Variants in MORC4 observed in about 807,000 individuals in gnomAD.
MORC4 encodes the protein MORC family CW-type zinc finger protein 4.
MORC4 carries 22 observed loss-of-function variants against 65.5 expected under a neutral mutation model. The observed-to-expected ratio is 0.34, with a 90% CI of 0.24 to 0.48. The LOEUF (loss-of-function observed/expected upper bound fraction) is 0.48, where lower values mean the gene tolerates loss of function less well. MORC4 is among the 20% of genes least tolerant of loss of function. The pLI is 0.99. For missense variants in MORC4, 624 were observed against 703.0 expected, an observed-to-expected ratio of 0.89 and a Z score of 1.27; for synonymous variants, 267 against 255.8, an observed-to-expected ratio of 1.04 and a Z score of -0.42.
chrX:106,941,475 G>A lies in MORC4; in HGVS notation c.*4C>T. 8.3e-7 allele frequency: 1 copy of A among 1,198,294 alleles called. No individual in the cohort carries two copies. Among genetic ancestry groups the A allele is most frequent in the Non-Finnish European group, 1.1e-6 (1 of 886,544 alleles). On this transcript the variant is annotated 3_prime_UTR_variant, in exon 17 of 17. Transcript: ENST00000355610. The stretch of plus-strand genomic sequence containing the variant: ...AGAGAAGAGAAGGGTATACAGTCTG[G>A]TGCTCAATCCAGTATGTGATTTGCC...
intron 9 of MORC4, among the ~76,000 whole-genome samples, chrX:106,967,528 G>A (rs1420185174): frequency 8.9e-6 from 1 of 111,844 alleles, no homozygotes; most frequent in Non-Finnish European, 1.9e-5. Context: ...CTGAGCTAAA[G>A]GAAATGTTCT....
chrX:106,973,452 T>C (rs537344495), intron 9 of MORC4, among the ~76,000 whole-genome samples: 2 of 111,538 alleles, frequency 1.8e-5, no homozygotes, highest in African/African-American at 6.5e-5. Context: ...ATTGATGCTG[T>C]AATGGGTAGG....
chrX:106,946,142 T>C (rs1240417251), intron 14 of MORC4, among the ~76,000 whole-genome samples: 1 of 111,482 alleles, frequency 9.0e-6, no homozygotes, highest in African/African-American at 3.3e-5. Context: ...ACTTAAGGTA[T>C]ACAATTCAAC....
Position 106,985,012 on chromosome X carries a change from A to C in MORC4, c.674+84T>G. On this transcript the variant is annotated intron_variant, in intron 5 of 16. Transcript: ENST00000355610. ...AATGAGACCCTGTCTTTTTATAAAAATTTTAAAAGTTAAAATTAAATAAAA... is the reference window on the plus strand; with the variant it reads ...AATGAGACCCTGTCTTTTTATAAAACTTTTAAAAGTTAAAATTAAATAAAA... 10 of 907,052 alleles carry C rather than the reference A, an allele frequency of 1.1e-5. No individual in the cohort carries two copies. The South Asian group carries it at 3.5e-4, about 32-fold the overall frequency. The allele number at this position is 907,052 out of a possible 1,213,427, so 74.8% of individuals were successfully genotyped here. A position where few individuals can be genotyped will look rare whatever the true frequency, so the allele number is the denominator to read the frequency against.
At chrX:106,963,890 AAC>A (rs1934312521) in intron 9 of MORC4, among the ~76,000 whole-genome samples, 1 of 102,890 alleles carries the variant, frequency 9.7e-6, no homozygotes, top group African/African-American at 3.6e-5. Context: ...CAACAACAAC[AAC>A]AAAAAAAAAC....
intron 11 of MORC4, among the ~76,000 whole-genome samples, chrX:106,957,890 A>G (rs186985827): frequency 1.9e-4 from 21 of 112,319 alleles, no homozygotes; most frequent in African/African-American, 6.8e-4. Context: ...AAAGATACAT[A>G]TGTGAAAAAC....
chrX:106,979,357 A>AAACC (rs1934694554), intron 7 of MORC4, among the ~76,000 whole-genome samples: 1 of 111,363 alleles, frequency 9.0e-6, no homozygotes, highest in Non-Finnish European at 1.9e-5. Flanking sequence ...GCAAGCAAAC[A>AAACC]AACCAAAATC....
chrX:106,971,224 G>A (rs137979296), intron 9 of MORC4, among the ~76,000 whole-genome samples: 314 of 111,653 alleles, frequency 2.8e-3, no homozygotes, highest in African/African-American at 9.8e-3. Flanking sequence ...GAAAAGATTC[G>A]ATATTTAATA....
chrX:106,942,746 T>G lies in MORC4; in HGVS notation c.2145A>C (p.Arg715Ser). Residue 715 changes from arginine to serine, a missense_variant, in exon 15 of 17, where the codon AGA (arginine) becomes AGC (serine). Physicochemically the swap from Arg to Ser is moderately radical, Grantham distance 110. Coordinates refer to ENST00000355610, the MANE Select transcript of MORC4 (RefSeq NM_024657.5). Reference protein sequence around the residue: ...GAPIQLIPFNREELAERRKAV... With the variant: ...GAPIQLIPFNSEELAERRKAV... The stretch of plus-strand genomic sequence containing the variant: ...CTTTTCGTCTCTCAGCAAGCTCCTC[T>G]CTGTTAAAAGGGATCAGCTGAATGG... 1 of 1,211,441 alleles carries G rather than the reference T, an allele frequency of 8.3e-7. No homozygotes were observed. Among genetic ancestry groups the G allele is most frequent in the Non-Finnish European group, 1.1e-6 (1 of 895,361 alleles).
chrX:106,967,599 A>C (rs1280025531), intron 9 of MORC4, among the ~76,000 whole-genome samples: 1 of 112,379 alleles, frequency 8.9e-6, no homozygotes, highest in Non-Finnish European at 1.9e-5. Flanking sequence ...TAATTAGAAC[A>C]ACCAGTGTAG....
At chrX:106,979,156 C>G (rs1266972068) in intron 7 of MORC4, among the ~76,000 whole-genome samples, 3 of 111,039 alleles carry the variant, frequency 2.7e-5, no homozygotes, top group Non-Finnish European at 3.8e-5. Flanking sequence ...CATGCCCCCT[C>G]TAAAAGACAA....
chrX:106,941,666 T>A lies in MORC4; in HGVS notation c.2661-34A>T, dbSNP rs370774208. On this transcript the variant is annotated intron_variant, in intron 16 of 16. Coordinates refer to ENST00000355610, the MANE Select transcript of MORC4 (RefSeq NM_024657.5). The stretch of plus-strand genomic sequence containing the variant: ...AGGAGTGAGGGGGCAGGAGAAGAGA[T>A]GACATGAAGTCATTAACCAACAGAA... The A allele has an allele frequency of 6.5e-5, 77 of 1,178,050 alleles. 1 individual carries two copies. Among genetic ancestry groups the A allele is most frequent in the Middle Eastern group, 5.0e-4 (2 of 3,968 alleles).
In MORC4 at chrX:106,956,480, C is replaced by T. The variant is rs1934108303; in HGVS notation, c.1509G>A (p.Gln503=). Residue 503 remains glutamine, a splice_region_variant and synonymous_variant, in exon 13 of 17, where the codon CAG becomes CAA. Transcript: ENST00000355610. ...AATAAGGGTGTGCACTGCCTCTCACCTGGTGGTTCTCATTTTCCATAGGCA... is the reference window on the plus strand; with the variant it reads ...AATAAGGGTGTGCACTGCCTCTCACTTGGTGGTTCTCATTTTCCATAGGCA... ...KKMPMENENH[Q]VFSNPPKILT... 1.7e-6 allele frequency: 2 copies of T among 1,201,488 alleles called. No homozygotes were observed. The highest frequency in any genetic ancestry group is 3.5e-5 in the African/African-American group (2 of 57,061).
intron 14 of MORC4, among the ~76,000 whole-genome samples, chrX:106,953,437 A>C (rs1166496793): frequency 1.8e-5 from 2 of 111,688 alleles, no homozygotes; most frequent in African/African-American, 6.5e-5. Context: ...AAAAACACTT[A>C]GCATTTACAG....
chrX:106,954,989 G>C lies in MORC4; in HGVS notation c.1609C>G (p.Pro537Ala), dbSNP rs769758497. The change falls in exon 14 of 17, where the codon CCT (proline) becomes GCT (alanine). Residue 537 changes from proline (P) to alanine (A), a missense_variant. Pro to Ala is a conservative substitution (Grantham distance 27). Coordinates refer to ENST00000355610, the MANE Select transcript of MORC4 (RefSeq NM_024657.5). ...GATCTGCTTTCTTCTCCACCAGAAG[G>C]AAGCACACTAGGGCTATGAATTCCC... ...YEGIHSPSVLPSGGEESRSPS... is the reference protein window; with the variant it reads ...YEGIHSPSVLASGGEESRSPS... The C allele has an allele frequency of 8.3e-7, 1 of 1,205,054 alleles. No homozygotes were observed. The highest frequency in any genetic ancestry group is 3.0e-5 in the East Asian group (1 of 33,785).
chrX:106,981,065 A>G, intron 6 of MORC4, 46 bp from the exon 7 acceptor site: 1 of 1,185,853 alleles, frequency 8.4e-7, no homozygotes, highest in Non-Finnish European at 1.1e-6. Flanking sequence ...TGATATTGCC[A>G]ATTCTGCTGA....
At chrX:106,999,531 C>T in intron 2 of MORC4, 146 bp downstream of exon 2, 1 of 430,718 alleles carries the variant, frequency 2.3e-6, no homozygotes, top group South Asian at 4.3e-5. Context: ...CCCCCTCCTC[C>T]GCCTGCGGAG....
At chrX:106,984,496 G>T (rs1934825988) in intron 5 of MORC4, among the ~76,000 whole-genome samples, 1 of 78,051 alleles carries the variant, frequency 1.3e-5, no homozygotes, top group East Asian at 4.2e-4. Context: ...TTGAGACAGA[G>T]TCTCACTCTG....
intron 3 of MORC4, among the ~76,000 whole-genome samples, chrX:106,987,643 C>T (rs776826588): frequency 1.7e-4 from 19 of 111,580 alleles, no homozygotes; most frequent in Non-Finnish European, 3.2e-4. Context: ...CAATTTTACT[C>T]TTTTGAGCAT....
Sources: allele counts gnomAD v4.1 joint callset (sites outside exome capture counted in the v4.1 genomes callset), GRCh38; gene constraint gnomAD v4.1.1; transcripts MANE v1.5; gene names NCBI Gene and HGNC (gene_info 2026-07-23, HGNC 2026-07-21).